Variants in BTBD16 observed in about 807,000 individuals in gnomAD.
BTBD16 encodes the protein BTB domain containing 16.
BTBD16 carries 66 observed loss-of-function variants against 67.4 expected under a neutral mutation model. That is an observed-to-expected ratio of 0.98 (90% CI 0.80 to 1.20). BTBD16 has a LOEUF of 1.20. Among genes scored for constraint, BTBD16 ranks in the 50% most tolerant of loss-of-function variants. BTBD16 has a pLI of 0.00. For missense variants in BTBD16, 634 were observed against 616.0 expected (o/e 1.03, Z -0.31); for synonymous variants, 242 against 236.4 (o/e 1.02, Z -0.22).
chr10:122,336,204 G>A (rs548857930), intron 14 of BTBD16, among the ~76,000 whole-genome samples: 3 of 152,318 alleles, frequency 2.0e-5, no homozygotes, highest in Admixed American at 6.5e-5. Context: ...GCCCTTATGA[G>A]TACTACATTG....
chr10:122,295,398 A>T lies in BTBD16; in HGVS notation c.591-2370A>T, dbSNP rs111340899. 41 of 985,406 alleles carry T rather than the reference A, an allele frequency of 4.2e-5. 3 individuals are homozygous for T. The highest frequency in any genetic ancestry group is 4.0e-4 in the African/African-American group (23 of 57,356). 61.0% of individuals were successfully genotyped at this position (985,406 alleles called of 1,614,324 possible). A position where few individuals can be genotyped will look rare whatever the true frequency, so the allele number is the denominator to read the frequency against. The stretch of plus-strand genomic sequence containing the variant: ...GCAGCTGCAATGGCCAGAGGTTTGG[A>T]TGAGCCCAGGTTATGCAGGATCTTG... On this transcript the variant is annotated intron_variant, in intron 7 of 15. Coordinates refer to ENST00000260723, the MANE Select transcript of BTBD16 (RefSeq NM_144587.5).
At position 122,291,162 on chromosome 10, in the gene BTBD16, C is replaced by T. The variant is rs2096373353; in HGVS notation, c.558C>T (p.Ala186=). Residue 186 remains alanine, a synonymous_variant, in exon 7 of 16, where the codon GCC becomes GCT. Transcript: ENST00000260723. The stretch of plus-strand genomic sequence containing the variant: ...ACCTACTGGGAGTGCTGGCTTCCGC[C>T]CACATCCTCCAGTTCAGTGGCCTGT... ...LEDLLGVLAS[A]HILQFSGLFQ... 1 of 1,613,648 alleles carries T rather than the reference C, an allele frequency of 6.2e-7. No individual in the cohort carries two copies. Among genetic ancestry groups the T allele is most frequent in the South Asian group, 1.1e-5 (1 of 90,964 alleles).
chr10:122,288,451 C>A (rs772634380), intron 5 of BTBD16, among the ~76,000 whole-genome samples: 1 of 152,172 alleles, frequency 6.6e-6, no homozygotes, highest in Admixed American at 6.5e-5. Context: ...TTTATAGTTG[C>A]ACAGGATGAT....
chr10:122,290,135 G>A (rs557967007), intron 6 of BTBD16, 137 bp downstream of exon 6: 5 of 586,540 alleles, frequency 8.5e-6, no homozygotes, highest in East Asian at 5.8e-5. Flanking sequence ...AAAAAGGCCC[G>A]AACGTGCAAA....
Position 122,329,523 on chromosome 10 carries a change from A to G in BTBD16, c.955A>G (p.Ser319Gly), listed in dbSNP as rs2096451349. ...CCFLDRDIGR[S>G]LRPLFLCLRL... ...CTTTCTGGACCGGGACATAGGACGG[A>G]GCTTGAGGCCGCTCTTCCTCTGCTT... The change falls in exon 11 of 16, where the codon AGC (serine) becomes GGC (glycine). Residue 319 changes from serine (S) to glycine (G), a missense_variant. By Grantham distance (56) the Ser-to-Gly change is moderately conservative. Transcript: ENST00000260723. 33 of 1,613,874 alleles carry G rather than the reference A, an allele frequency of 2.0e-5. No homozygotes were observed. Among genetic ancestry groups the G allele is most frequent in the Non-Finnish European group, 2.4e-5 (28 of 1,179,990 alleles).
At chr10:122,275,210 G>A (rs1328739113) in intron 2 of BTBD16, 111 bp downstream of exon 2, 1 of 1,050,476 alleles carries the variant, frequency 9.5e-7, no homozygotes, top group Non-Finnish European at 1.5e-6. Context: ...AGGACCTCAA[G>A]CATTATTGGC....
rs149310921 is a variant in BTBD16 at position 122,336,544 on chromosome 10, C to A, written c.1314C>A (p.Asn438Lys). 5 of 1,612,548 alleles carry A rather than the reference C, an allele frequency of 3.1e-6. No individual in the cohort carries two copies. In the East Asian group the frequency reaches 6.7e-5, roughly 22 times the overall value. ...LESPSAVYEH[N>K]HVSLRAARLV... ...CTCCCTCTGCGGTCTACGAGCACAA[C>A]CACGTCAGCCTGCGAGCGGCACGCC... Residue 438 changes from asparagine to lysine, a missense_variant, in exon 15 of 16, where the codon AAC (asparagine) becomes AAA (lysine). Asn to Lys is a moderately conservative substitution (Grantham distance 94). Coordinates refer to ENST00000260723, the MANE Select transcript of BTBD16 (RefSeq NM_144587.5).
Position 122,290,014 on chromosome 10 carries a change from T to A in BTBD16, c.475+16T>A. 1.3e-6 allele frequency: 2 copies of A among 1,503,710 alleles called. No homozygotes were observed. The highest frequency in any genetic ancestry group is 1.8e-6 in the Non-Finnish European group (2 of 1,087,818). 93.1% of individuals were successfully genotyped at this position (1,503,710 alleles called of 1,614,324 possible). ...ACTAAAGTCGGTATGTATATACCCG[T>A]CTATATTCTGAGAATGCCATTGAAC... On this transcript the variant is annotated intron_variant, in intron 6 of 15. Coordinates refer to ENST00000260723, the MANE Select transcript of BTBD16 (RefSeq NM_144587.5).
chr10:122,277,671 C>T (rs775741650), intron 3 of BTBD16, among the ~76,000 whole-genome samples: 1 of 151,972 alleles, frequency 6.6e-6, no homozygotes, highest in Non-Finnish European at 1.5e-5. Context: ...AGGTCCCAGG[C>T]TCTTGTTGAC....
intron 7 of BTBD16, among the ~76,000 whole-genome samples, chr10:122,294,503 T>C (rs953136470): frequency 6.6e-6 from 1 of 152,254 alleles, no homozygotes; most frequent in African/African-American, 2.4e-5. Context: ...ACAGCAGGGA[T>C]TGTGGCTGTC....
chr10:122,283,790 T>G (rs2096357737), intron 3 of BTBD16, 61 bp from the exon 4 acceptor site: 1 of 1,255,036 alleles, frequency 8.0e-7, no homozygotes, highest in Non-Finnish European at 1.2e-6. Context: ...TAATGCATGT[T>G]GTAGTTGGAG....
chr10:122,310,275 A>C (rs145821105), intron 10 of BTBD16, among the ~76,000 whole-genome samples: 2 of 152,228 alleles, frequency 1.3e-5, no homozygotes, highest in Non-Finnish European at 2.9e-5. Context: ...AGAATGTCGC[A>C]GTAGATTAGC....
At chr10:122,302,854 G>C (rs2142085882) in intron 9 of BTBD16, among the ~76,000 whole-genome samples, 1 of 152,248 alleles carries the variant, frequency 6.6e-6, no homozygotes, top group Middle Eastern at 3.4e-3. Context: ...GAGATGATAG[G>C]AAATGACGGG....
At chr10:122,294,269 A>T in intron 7 of BTBD16, 1 of 946,786 alleles carries the variant, frequency 1.1e-6, no homozygotes, top group Non-Finnish European at 1.3e-6. Context: ...GCCCCAGGTC[A>T]CTCTGATAGC....
At position 122,286,190 on chromosome 10, in the gene BTBD16, G is replaced by A; in HGVS notation, c.327G>A (p.Leu109=). 6.2e-7 allele frequency: 1 copy of A among 1,613,944 alleles called. No individual in the cohort carries two copies. The highest frequency in any genetic ancestry group is 8.5e-7 in the Non-Finnish European group (1 of 1,179,854). The change falls in exon 5 of 16, where the codon CTG becomes CTA. Residue 109 remains leucine (L), a synonymous_variant. Coordinates refer to ENST00000260723, the MANE Select transcript of BTBD16 (RefSeq NM_144587.5). ...CTGAGACCTTGGCCAAGCTCTACCT[G>A]AAAGCCCTGGCGCAGGGCACCACAC... The part of the protein sequence containing the change: ...FQSETLAKLY[L]KALAQGTTHP...
intron 14 of BTBD16, among the ~76,000 whole-genome samples, chr10:122,335,750 T>A (rs1473595232): frequency 6.6e-6 from 1 of 152,252 alleles, no homozygotes; most frequent in Non-Finnish European, 1.5e-5. Context: ...GTGTTCCACT[T>A]AAGATTTGCT....
chr10:122,303,755 C>A, intron 9 of BTBD16: 1 of 471,808 alleles, frequency 2.1e-6, no homozygotes, highest in Non-Finnish European at 2.8e-6. Context: ...AGTAAACACA[C>A]ATGGTACAGC....
At chr10:122,299,742 C>T (rs970896110) in intron 9 of BTBD16, among the ~76,000 whole-genome samples, 4 of 152,110 alleles carry the variant, frequency 2.6e-5, no homozygotes, top group Admixed American at 1.3e-4. Flanking sequence ...TCAAGTCCAG[C>T]GCTATGGGCC....
chr10:122,272,238 A>T (rs929053897), intron 1 of BTBD16, among the ~76,000 whole-genome samples: 1 of 152,234 alleles, frequency 6.6e-6, no homozygotes, highest in Non-Finnish European at 1.5e-5. Flanking sequence ...ACAGCCAAAG[A>T]TGCTCTTAAC....
Sources: gnomAD v4.1 joint callset for allele counts (sites outside exome capture counted in the v4.1 genomes callset) on GRCh38, gnomAD v4.1.1 for gene constraint, MANE v1.5 for transcripts, NCBI Gene and HGNC (gene_info 2026-07-23, HGNC 2026-07-21) for gene names.